Variants in BST2 observed in about 807,000 individuals in gnomAD.
BST2 encodes bone marrow stromal cell antigen 2, also known as bone marrow stromal antigen 2.
BST2 carries 10 observed loss-of-function variants against 18.6 expected under a neutral mutation model. The ratio of observed to expected loss-of-function variants is 0.54; its 90% CI spans 0.33 to 0.91. The LOEUF is 0.91. BST2 is among the 40% of genes least tolerant of loss of function. The pLI is 0.02. For synonymous variants in BST2, 75 were observed against 96.8 expected, an observed-to-expected ratio of 0.77 and a Z score of 1.32; for missense variants, 183 against 228.4, an observed-to-expected ratio of 0.80 and a Z score of 1.28.
chr19:17,403,538 C>T (rs1156511524), intron 4 of BST2, 142 bp downstream of exon 4: 3 of 1,085,196 alleles, frequency 2.8e-6, no homozygotes, highest in East Asian at 4.0e-5. Flanking sequence ...TCACTGGATT[C>T]TCCCTCCTTC....
At chr19:17,403,572 C>G in intron 4 of BST2, 108 bp downstream of exon 4, 2 of 1,435,170 alleles carry the variant, frequency 1.4e-6, no homozygotes, top group Admixed American at 2.4e-5. Context: ...ACCTCTGCGC[C>G]CAGTCCCTTC....
Position 17,405,499 on chromosome 19 carries a change from A to G in BST2, c.77T>C (p.Ile26Thr). 1 of 1,614,210 alleles carries G rather than the reference A, an allele frequency of 6.2e-7. No individual in the cohort carries two copies. The highest frequency in any genetic ancestry group is 1.3e-5 in the African/African-American group (1 of 75,054). ...GATGATCAGGAGCACCAGAATTCCTATCCCCAGCAGAAGCTTACAGCGCTT... is the reference window on the plus strand; with the variant it reads ...GATGATCAGGAGCACCAGAATTCCTGTCCCCAGCAGAAGCTTACAGCGCTT... ...GDKRCKLLLGIGILVLLIIVI... is the reference protein window; with the variant it reads ...GDKRCKLLLGTGILVLLIIVI... Residue 26 changes from isoleucine to threonine, a missense_variant, in exon 1 of 5, where the codon ATA (isoleucine) becomes ACA (threonine). Ile to Thr is a moderately conservative substitution (Grantham distance 89). Transcript: ENST00000252593.
Position 17,404,184 on chromosome 19 carries a change from T to A in BST2, c.358A>T (p.Ile120Phe), listed in dbSNP as rs749859193. Residue 120 changes from isoleucine (I) to phenylalanine (F), a missense_variant, in exon 3 of 5, where the codon ATC (isoleucine) becomes TTC (phenylalanine). Transcript: ENST00000252593. ...QKKVEELEGE[I>F]TTLNHKLQDA... is the part of the protein sequence containing the mutation. ...TGAAGCTTATGGTTTAATGTAGTGA[T>A]CTCTCCTGGTAGGGTGGGAGGACAG... 5 of 1,602,078 alleles carry A rather than the reference T, an allele frequency of 3.1e-6. No homozygotes were observed. In the South Asian group the frequency reaches 4.5e-5, roughly 14 times the overall value.
chr19:17,403,400 A>AACCCCCC, intron 4 of BST2, 74 bp from the exon 5 acceptor site: 1 of 1,001,858 alleles, frequency 1.0e-6, no homozygotes, highest in Non-Finnish European at 1.2e-6. Flanking sequence ...CCCGGCCCCA[A>AACCCCCC]GCCCCGCCCC....
rs2074719736 is a variant in BST2 at position 17,405,298 on chromosome 19, T to C, written c.278A>G (p.His93Arg). The C allele has an allele frequency of 6.2e-7, 1 of 1,610,498 alleles. No individual in the cohort carries two copies. Among genetic ancestry groups the C allele is most frequent in the Non-Finnish European group, 8.5e-7 (1 of 1,178,282 alleles). Reference protein sequence around the residue: ...DVEAQAATCNHTVMALMASLD... With the variant: ...DVEAQAATCNRTVMALMASLD... The stretch of plus-strand genomic sequence containing the variant: ...AGGAGTTGAGGAGCTTACCACAGTG[T>C]GGTTGCAGGTGGCGGCCTGGGCCTC... Residue 93 changes from histidine (H) to arginine (R), a missense_variant, in exon 1 of 5, where the codon CAC becomes CGC. His to Arg is a conservative substitution (Grantham distance 29). Transcript: ENST00000252593.
At chr19:17,404,272 C>T (rs118079631) in intron 2 of BST2, 83 bp from the exon 3 acceptor site, 4 of 1,548,610 alleles carry the variant, frequency 2.6e-6, no homozygotes, top group Non-Finnish European at 3.6e-6. Flanking sequence ...GACAGAACCT[C>T]CCCCTTACCC....
At position 17,403,004 on chromosome 19, in the gene BST2, A is replaced by ACC; in HGVS notation, c.*336_*337dup. ...AGCTCAAAGACCCCAGAAAAAAGCAACCCCCCCCGCAAAAAAAACCCATAA... is the reference window on the plus strand; with the variant it reads ...AGCTCAAAGACCCCAGAAAAAAGCAACCCCCCCCCCGCAAAAAAAACCCATAA... On this transcript the variant is annotated 3_prime_UTR_variant, in exon 5 of 5. Coordinates refer to ENST00000252593, the MANE Select transcript of BST2 (RefSeq NM_004335.4). 1.0e-6 allele frequency: 1 copy of ACC among 978,728 alleles called. No individual in the cohort carries two copies. Among genetic ancestry groups the ACC allele is most frequent in the Non-Finnish European group, 1.2e-6 (1 of 827,688 alleles). The allele number at this position is 978,728 out of a possible 1,614,324, so 60.6% of individuals were successfully genotyped here. A position where few individuals can be genotyped will look rare whatever the true frequency, so the allele number is the denominator to read the frequency against.
chr19:17,404,825 A>G (rs2074716632), intron 1 of BST2, among the ~76,000 whole-genome samples: 1 of 152,114 alleles, frequency 6.6e-6, no homozygotes, highest in South Asian at 2.1e-4. Flanking sequence ...CGAGAGTTTC[A>G]AGATCCCCCA....
intron 3 of BST2, 92 bp from the exon 4 acceptor site, chr19:17,403,916 C>T: frequency 6.6e-7 from 1 of 1,504,440 alleles, no homozygotes; most frequent in Non-Finnish European, 8.9e-7. Context: ...CCCCCCGCAC[C>T]GCCCCAATCC....
rs1365403277 is a variant in BST2 at position 17,403,935 on chromosome 19, G to T, written c.414-111C>A. ...CCGCACCGCCCCAATCCAAGTCACC[G>T]GGGAGGGAATGGACAGCGGCCACCC... On this transcript the variant is annotated intron_variant, in intron 3 of 4. Transcript: ENST00000252593. 13 of 1,453,016 alleles carry T rather than the reference G, an allele frequency of 8.9e-6. No individual in the cohort carries two copies. The East Asian group carries it at 2.1e-4, about 23-fold the overall frequency. 90.0% of individuals were successfully genotyped at this position (1,453,016 alleles called of 1,614,324 possible). A position where few individuals can be genotyped will look rare whatever the true frequency, so the allele number is the denominator to read the frequency against.
intron 1 of BST2, 26 bp downstream of exon 1, chr19:17,405,265 C>T (rs1053863131): frequency 1.3e-6 from 2 of 1,588,122 alleles, no homozygotes; most frequent in East Asian, 2.2e-5. Context: ...TAGTACTAGG[C>T]CATCCAAAGG....
chr19:17,405,482 G>A lies in BST2; in HGVS notation c.94C>T (p.Leu32=), dbSNP rs768963390. 1 of 1,614,242 alleles carries A rather than the reference G, an allele frequency of 6.2e-7. No homozygotes were observed. Among genetic ancestry groups the A allele is most frequent in the South Asian group, 1.1e-5 (1 of 91,090 alleles). Residue 32 remains leucine (L), a synonymous_variant, in exon 1 of 5, where the codon CTG becomes TTG. Coordinates refer to ENST00000252593, the MANE Select transcript of BST2 (RefSeq NM_004335.4). ...GGCACCCCCAGAATCACGATGATCA[G>A]GAGCACCAGAATTCCTATCCCCAGC... ...LLLGIGILVL[L]IIVILGVPLI... is the part of the protein sequence containing the mutation.
chr19:17,403,554 G>T, intron 4 of BST2, 126 bp downstream of exon 4: 1 of 1,155,524 alleles, frequency 8.7e-7, no homozygotes, highest in Non-Finnish European at 1.1e-6. Context: ...CCTTCCCCAA[G>T]GCCCCTCACC....
intron 4 of BST2, 145 bp downstream of exon 4, chr19:17,403,535 A>G: frequency 3.3e-5 from 28 of 846,274 alleles, no homozygotes; most frequent in Middle Eastern, 5.0e-4. Flanking sequence ...TTCTCACTGG[A>G]TTCTCCCTCC....
rs1460688375 is a variant in BST2 at position 17,403,762 on chromosome 19, T to G, written c.476A>C (p.Asp159Ala). The change falls in exon 4 of 5, where the codon GAC becomes GCC. Residue 159 changes from aspartate to alanine, a missense_variant. Asp to Ala is a moderately radical substitution (Grantham distance 126, BLOSUM62 -2). Transcript: ENST00000252593. ...ADKKYYPSSQDSSSAAAPQLL... is the reference protein window; with the variant it reads ...ADKKYYPSSQASSSAAAPQLL... ...CTGGGGCGCCGCAGCGGAGCTGGAG[T>G]CCTGGGAGCTGGGGTAGTACTTCTT... 1.2e-6 allele frequency: 2 copies of G among 1,613,450 alleles called. No homozygotes were observed. The highest frequency in any genetic ancestry group is 3.3e-4 in the Middle Eastern group (2 of 6,056).
At position 17,403,010 on chromosome 19, in the gene BST2, C is replaced by G. The variant is rs549799945; in HGVS notation, c.*332G>C. On this transcript the variant is annotated 3_prime_UTR_variant, in exon 5 of 5. Coordinates refer to ENST00000252593, the MANE Select transcript of BST2 (RefSeq NM_004335.4). ...AAGACCCCAGAAAAAAGCAACCCCCCCCGCAAAAAAAACCCATAACAACAG... is the reference window on the plus strand; with the variant it reads ...AAGACCCCAGAAAAAAGCAACCCCCGCCGCAAAAAAAACCCATAACAACAG... The G allele has an allele frequency of 6.7e-5, 66 of 985,072 alleles. No individual in the cohort carries two copies. In the African/African-American group the frequency reaches 9.4e-4, roughly 14 times the overall value. 61.0% of individuals were successfully genotyped at this position (985,072 alleles called of 1,614,324 possible). A position where few individuals can be genotyped will look rare whatever the true frequency, so the allele number is the denominator to read the frequency against.
At chr19:17,403,361 G>A (rs997590729) in intron 4 of BST2, 35 bp from the exon 5 acceptor site, 93 of 1,164,762 alleles carry the variant, frequency 8.0e-5, no homozygotes, top group Middle Eastern at 3.8e-4. Context: ...GGGCAGACTG[G>A]AGGCAGCAGA....
chr19:17,405,222 T>A (rs1463544294), intron 1 of BST2, 69 bp downstream of exon 1: 6 of 1,499,962 alleles, frequency 4.0e-6, no homozygotes, highest in East Asian at 4.7e-5. Context: ...TGGGTCAGAT[T>A]TCTGGGGAGA....
At chr19:17,404,678 G>A (rs1288100584) in intron 1 of BST2, 3 of 533,656 alleles carry the variant, frequency 5.6e-6, no homozygotes, top group South Asian at 2.8e-5. Flanking sequence ...GCCACCCCAC[G>A]TGGAAACTTG....
Sources: allele counts gnomAD v4.1 joint callset (sites outside exome capture counted in the v4.1 genomes callset), GRCh38; gene constraint gnomAD v4.1.1; transcripts MANE v1.5; gene names NCBI Gene and HGNC (gene_info 2026-07-23, HGNC 2026-07-21).